The following MYO18B variants were observed in gnomAD, a reference collection of about 807,000 sequenced individuals.
MYO18B encodes myosin XVIIIB, also known as unconventional myosin-XVIIIb.
In MYO18B, 204 loss-of-function variants were observed where a neutral mutation model predicts 273.0. The ratio of observed to expected loss-of-function variants is 0.75; its 90% CI spans 0.67 to 0.84. MYO18B has a LOEUF of 0.84. Among genes scored for constraint, MYO18B ranks in the 40% least tolerant of loss-of-function variants. MYO18B has a pLI of 0.00. For synonymous variants in MYO18B, 1,330 were observed against 1,305.7 expected, an observed-to-expected ratio of 1.02 and a Z score of -0.40; for missense variants, 3,212 against 3,287.6, an observed-to-expected ratio of 0.98 and a Z score of 0.56.
chr22:25,974,407 C>T (rs1173500498), intron 39 of MYO18B, among the ~76,000 whole-genome samples: 1 of 152,148 alleles, frequency 6.6e-6, no homozygotes, highest in Non-Finnish European at 1.5e-5. Context: ...ATTGGCTCAA[C>T]CTAATAGAAA....
chr22:25,959,827 C>T (rs79144077), intron 39 of MYO18B, among the ~76,000 whole-genome samples: 4,665 of 152,240 alleles, frequency 0.031, 130 homozygotes, highest in Non-Finnish European at 0.041. Context: ...TGGTGTCCCA[C>T]GTGTCCAATG....
At chr22:25,818,603 G>C (rs1345695306) in intron 12 of MYO18B, among the ~76,000 whole-genome samples, 1 of 152,168 alleles carries the variant, frequency 6.6e-6, no homozygotes, top group African/African-American at 2.4e-5. Flanking sequence ...TCTGGGGTGT[G>C]ACCCACATCC....
At chr22:25,830,316 A>G (rs980099914) in intron 15 of MYO18B, among the ~76,000 whole-genome samples, 5 of 152,068 alleles carry the variant, frequency 3.3e-5, no homozygotes, top group African/African-American at 1.2e-4. Flanking sequence ...CTTTTGTATC[A>G]GTTATGATTT....
chr22:25,929,204 C>T (rs1366364932), intron 34 of MYO18B, among the ~76,000 whole-genome samples: 1 of 147,980 alleles, frequency 6.8e-6, no homozygotes, highest in Non-Finnish European at 1.5e-5. Flanking sequence ...TATAACATAA[C>T]ATCCCCAATT....
chr22:25,777,486 A>G, intron 7 of MYO18B, 97 bp from the exon 8 acceptor site: 1 of 1,160,848 alleles, frequency 8.6e-7, no homozygotes, highest in Non-Finnish European at 1.2e-6. Context: ...AGGCAGGGAC[A>G]CAGATCTGGA....
At chr22:25,867,214 A>G (rs2090913228) in intron 21 of MYO18B, among the ~76,000 whole-genome samples, 2 of 151,404 alleles carry the variant, frequency 1.3e-5, no homozygotes, top group African/African-American at 4.9e-5. Context: ...AACTATCACA[A>G]CATCCATCTG....
At position 25,895,287 on chromosome 22, in the gene MYO18B, T is replaced by C. The variant is rs770092966; in HGVS notation, c.4668+7T>C. 1.9e-6 allele frequency: 3 copies of C among 1,591,428 alleles called. No homozygotes were observed. The highest frequency in any genetic ancestry group is 2.6e-6 in the Non-Finnish European group (3 of 1,169,030). The stretch of plus-strand genomic sequence containing the variant: ...GAAAGAGCTGGAGCAAAAGGTAAGA[T>C]GTGGGGATAGTCTGGGCCACAGAAG... On this transcript the variant is annotated splice_region_variant and intron_variant, in intron 28 of 43. Transcript: ENST00000335473.
In MYO18B at chr22:26,027,603, C is replaced by G; in HGVS notation, c.7629C>G (p.Pro2543=). The change falls in exon 43 of 44, where the codon CCC becomes CCG. Residue 2543 remains proline, a synonymous_variant. Coordinates refer to ENST00000335473, the MANE Select transcript of MYO18B (RefSeq NM_032608.7). This position sits in a 1 kb window ranked among gnomAD's most constrained non-coding sequence, Gnocchi z 4.1. ...LAGDGGERTS[P]ERREPGTGRK... Reference sequence around the variant, plus strand: ...GTGACGGTGGCGAGCGAACGTCCCCCGAGCGGAGAGAGCCAGGGACGGGGA... The same window carrying G: ...GTGACGGTGGCGAGCGAACGTCCCCGGAGCGGAGAGAGCCAGGGACGGGGA... 6.2e-7 allele frequency: 1 copy of G among 1,613,812 alleles called. No individual in the cohort carries two copies. The highest frequency in any genetic ancestry group is 1.1e-5 in the South Asian group (1 of 91,046).
chr22:26,029,825 C>T (rs1936563630), intron 43 of MYO18B, among the ~76,000 whole-genome samples: 1 of 152,166 alleles, frequency 6.6e-6, no homozygotes, highest in Non-Finnish European at 1.5e-5. Context: ...GGTAAGAATA[C>T]CAACTACCTA....
At chr22:25,895,327 C>T in intron 28 of MYO18B, 47 bp downstream of exon 28, 7 of 1,555,634 alleles carry the variant, frequency 4.5e-6, no homozygotes, top group Non-Finnish European at 6.1e-6. Context: ...AGAGAGTGGG[C>T]AGGCTCTCAC....
At chr22:25,794,073 A>G (rs2087797132) in intron 11 of MYO18B, among the ~76,000 whole-genome samples, 1 of 151,886 alleles carries the variant, frequency 6.6e-6, no homozygotes. Context: ...AGCTGGGACT[A>G]TGGGCACCCG....
At chr22:25,992,830 A>T (rs1254955962) in intron 40 of MYO18B, among the ~76,000 whole-genome samples, 1 of 152,190 alleles carries the variant, frequency 6.6e-6, no homozygotes, top group Non-Finnish European at 1.5e-5. Context: ...TAATATTAGG[A>T]TGAATCACAT....
intron 2 of MYO18B, 26 bp downstream of exon 2, chr22:25,761,157 G>A: frequency 6.2e-7 from 1 of 1,610,936 alleles, no homozygotes; most frequent in Non-Finnish European, 8.5e-7. Flanking sequence ...GGCTGGGGCT[G>A]CAGCCATCTG....
Position 26,015,397 on chromosome 22 carries a change from A to G in MYO18B, c.6470+10542A>G, listed in dbSNP as rs565674156. ...TCACAATAGCAAAGACATGGAATCA[A>G]CTTAAATGCCCATCAATGGTAGACT... On this transcript the variant is annotated intron_variant, in intron 42 of 43. Transcript: ENST00000335473. 2.6e-5 allele frequency among the ~76,000 whole-genome samples: 4 copies of G among 152,344 alleles called. No individual in the cohort carries two copies. The South Asian group carries it at 8.3e-4, about 32-fold the overall frequency.
chr22:25,811,463 A>T (rs539891344), intron 12 of MYO18B, among the ~76,000 whole-genome samples: 1 of 152,232 alleles, frequency 6.6e-6, no homozygotes, highest in South Asian at 2.1e-4. Context: ...AAACCAGGAC[A>T]TCGACAGCGG....
chr22:25,761,180 C>A, intron 2 of MYO18B, 49 bp downstream of exon 2: 2 of 1,603,208 alleles, frequency 1.2e-6, no homozygotes, highest in East Asian at 2.2e-5. Flanking sequence ...GGGACTGACT[C>A]GACCCTCGGG....
At chr22:25,854,592 C>A (rs534143528) in intron 21 of MYO18B, among the ~76,000 whole-genome samples, 1 of 152,330 alleles carries the variant, frequency 6.6e-6, no homozygotes, top group Non-Finnish European at 1.5e-5. Context: ...TTTTGAGCAA[C>A]AATAAGCACC....
the MYO18B span, among the ~76,000 whole-genome samples, chr22:26,040,803 G>A: frequency 1.3e-5 from 2 of 152,152 alleles, no homozygotes; most frequent in Non-Finnish European, 2.9e-5. Context: ...TAGGGTGATC[G>A]AGTGGGTGAG....
Position 25,744,595 on chromosome 22 carries a change from G to T in MYO18B, c.-110+2302G>T, listed in dbSNP as rs532027306. Among the ~76,000 whole-genome samples, 4 of 152,208 alleles carry T rather than the reference G, an allele frequency of 2.6e-5. No homozygotes were observed. In the East Asian group the frequency reaches 7.7e-4, roughly 29 times the overall value. ...AAACACAAAAAAAAATTAGCCGGGC[G>T]TGGTGGTGGGTGCCTGTAGTCCCAG... On this transcript the variant is annotated intron_variant, in intron 1 of 43. Coordinates refer to ENST00000335473, the MANE Select transcript of MYO18B (RefSeq NM_032608.7).
Sources: gnomAD v4.1 joint callset for allele counts (sites outside exome capture counted in the v4.1 genomes callset) on GRCh38, gnomAD v4.1.1 for gene constraint, Gnocchi (gnomAD v3.1) non-coding constraint, MANE v1.5 for transcripts, NCBI Gene and HGNC (gene_info 2026-07-23, HGNC 2026-07-21) for gene names.